CHN1: variants seen among roughly 807,000 people sequenced by gnomAD.
CHN1 encodes N-chimaerin.
CHN1 carries 37 observed loss-of-function variants against 59.5 expected under a neutral mutation model. The observed-to-expected ratio is 0.62, with a 90% CI of 0.48 to 0.82. CHN1 has a LOEUF of 0.82. Among genes scored for constraint, CHN1 ranks in the 40% least tolerant of loss-of-function variants. The pLI is 0.00. For synonymous variants in CHN1, 206 were observed against 200.4 expected, an observed-to-expected ratio of 1.03 and a Z score of -0.24; for missense variants, 469 against 571.0, an observed-to-expected ratio of 0.82 and a Z score of 1.82.
Position 174,888,819 on chromosome 2 carries a change from C to G in CHN1, c.261-10691G>C, listed in dbSNP as rs116014207. On this transcript the variant is annotated intron_variant, in intron 5 of 12. Coordinates refer to ENST00000409900, the MANE Select transcript of CHN1 (RefSeq NM_001822.7). ...TGAAGGATTGTTTTTCCTCTTGCCT[C>G]AGGGCACTCACTCAAAGCACTAATG... is the stretch of plus-strand genomic sequence containing the variant. Among the ~76,000 whole-genome samples, 473 of 152,270 alleles carry G rather than the reference C, an allele frequency of 3.1e-3. 1 individual carries two copies. Among genetic ancestry groups the G allele is most frequent in the Admixed American group, 6.7e-3 (103 of 15,294 alleles).
At chr2:174,972,106 T>TA (rs1690777211) in intron 1 of CHN1, among the ~76,000 whole-genome samples, 2 of 152,196 alleles carry the variant, frequency 1.3e-5, no homozygotes, top group South Asian at 2.1e-4. Flanking sequence ...AACAAGCTGG[T>TA]ATCCCTTATG....
At chr2:174,964,161 T>C (rs1462438403) in intron 1 of CHN1, among the ~76,000 whole-genome samples, 8 of 152,170 alleles carry the variant, frequency 5.3e-5, no homozygotes, top group African/African-American at 9.7e-5. Context: ...GGGTTAACAG[T>C]AGTGATCTCC....
At chr2:175,004,567 C>T (rs898944891) in intron 1 of CHN1, among the ~76,000 whole-genome samples, 1 of 152,216 alleles carries the variant, frequency 6.6e-6, no homozygotes, top group African/African-American at 2.4e-5. Context: ...ACGGGAAAGG[C>T]AGGTTTGAAA....
intron 6 of CHN1, among the ~76,000 whole-genome samples, chr2:174,868,634 G>A (rs1393342625): frequency 6.6e-6 from 1 of 152,114 alleles, no homozygotes; most frequent in Admixed American, 6.6e-5. Flanking sequence ...TTTCCTAAAG[G>A]CAACAGGAGA....
At chr2:174,815,725 T>C (rs1453932360) in intron 8 of CHN1, among the ~76,000 whole-genome samples, 1 of 152,190 alleles carries the variant, frequency 6.6e-6, no homozygotes, top group African/African-American at 2.4e-5. Flanking sequence ...CTGCCAATTG[T>C]CCTTTTTTAT....
chr2:174,945,025 T>C, intron 2 of CHN1, 82 bp from the exon 3 acceptor site: 1 of 1,012,394 alleles, frequency 9.9e-7, no homozygotes, highest in African/African-American at 1.6e-5. Context: ...CCTGGCTGCT[T>C]TTTATGTTCA....
intron 3 of CHN1, among the ~76,000 whole-genome samples, chr2:174,934,816 T>C (rs912479090): frequency 5.5e-4 from 84 of 152,292 alleles, no homozygotes; most frequent in Non-Finnish European, 3.1e-4. Flanking sequence ...CATGACCATC[T>C]TGTCAGCAAG....
chr2:174,867,468 CA>C (rs1223520167), intron 6 of CHN1, among the ~76,000 whole-genome samples: 1 of 151,866 alleles, frequency 6.6e-6, no homozygotes, highest in Non-Finnish European at 1.5e-5. Flanking sequence ...CACTAAATAA[CA>C]AAATGTCCTG....
intron 7 of CHN1, among the ~76,000 whole-genome samples, chr2:174,827,104 T>C (rs575135875): frequency 1.3e-5 from 2 of 152,220 alleles, no homozygotes; most frequent in African/African-American, 2.4e-5. Context: ...TGAATTTTTA[T>C]ATCTAAAATC....
At chr2:174,889,972 A>C (rs1434909171) in intron 5 of CHN1, among the ~76,000 whole-genome samples, 1 of 151,408 alleles carries the variant, frequency 6.6e-6, no homozygotes, top group Non-Finnish European at 1.5e-5. Flanking sequence ...CATATCAATA[A>C]AAAAACAATG....
At chr2:174,917,296 T>C (rs1396883124) in intron 4 of CHN1, among the ~76,000 whole-genome samples, 1 of 151,966 alleles carries the variant, frequency 6.6e-6, no homozygotes, top group Non-Finnish European at 1.5e-5. Context: ...TAACGAGGCA[T>C]AGTGGCGGGC....
chr2:174,912,095 T>A (rs1574156280), intron 5 of CHN1, among the ~76,000 whole-genome samples: 1 of 152,060 alleles, frequency 6.6e-6, no homozygotes, highest in East Asian at 1.9e-4. Context: ...CTTGCCAGGG[T>A]CCAAGAAAAG....
chr2:174,847,117 C>T (rs1464014326), intron 6 of CHN1, 160 bp from the exon 7 acceptor site: 1 of 1,549,738 alleles, frequency 6.5e-7, no homozygotes, highest in Non-Finnish European at 8.7e-7. Flanking sequence ...CTGACCAAGA[C>T]TCTTTGGATG....
intron 5 of CHN1, among the ~76,000 whole-genome samples, chr2:174,880,107 G>A (rs1687689903): frequency 6.6e-6 from 1 of 152,114 alleles, no homozygotes; most frequent in African/African-American, 2.4e-5. Flanking sequence ...GATTTCAGGA[G>A]ACCCTGCCCA....
At chr2:174,858,979 TACACACACACACAC>T (rs71407155) in intron 6 of CHN1, among the ~76,000 whole-genome samples, 10 of 142,512 alleles carry the variant, frequency 7.0e-5, no homozygotes, top group South Asian at 6.9e-4. Flanking sequence ...TTTCCTCCTC[TACACACACACACAC>T]ACACACACAC....
intron 5 of CHN1, among the ~76,000 whole-genome samples, chr2:174,890,701 A>G (rs903850492): frequency 3.3e-5 from 5 of 152,138 alleles, no homozygotes; most frequent in Non-Finnish European, 7.4e-5. Context: ...AAGGAATAGG[A>G]GGACTTAAAC....
intron 11 of CHN1, among the ~76,000 whole-genome samples, chr2:174,802,810 G>A (rs565961110): frequency 6.6e-6 from 1 of 152,100 alleles, no homozygotes; most frequent in Non-Finnish European, 1.5e-5. Flanking sequence ...GAGGCCGAGG[G>A]GGGTGGGTCA....
chr2:174,870,812 G>C (rs1005117296), intron 6 of CHN1, among the ~76,000 whole-genome samples: 2 of 152,182 alleles, frequency 1.3e-5, no homozygotes, highest in Admixed American at 1.3e-4. Context: ...ATTTCTAATA[G>C]CTTTCTTTTC....
chr2:174,903,313 T>C (rs1406317949), intron 5 of CHN1, among the ~76,000 whole-genome samples: 3 of 152,326 alleles, frequency 2.0e-5, no homozygotes, highest in South Asian at 2.1e-4. Flanking sequence ...ATTAGCTGTT[T>C]ATTGCACAAC....
Sources: allele counts gnomAD v4.1 joint callset (sites outside exome capture counted in the v4.1 genomes callset), GRCh38; gene constraint gnomAD v4.1.1; transcripts MANE v1.5; gene names NCBI Gene and HGNC (gene_info 2026-07-23, HGNC 2026-07-21).